Variants in GLIS3 observed in about 807,000 individuals in gnomAD.
GLIS3 encodes zinc finger protein GLIS3.
Under a neutral mutation model 78.6 loss-of-function variants are expected in GLIS3, and 53 were observed. That is an observed-to-expected ratio of 0.67 (90% CI 0.54 to 0.85). The LOEUF (loss-of-function observed/expected upper bound fraction) is 0.85. Ranked by LOEUF, GLIS3 falls within the 40% of genes least tolerant of loss-of-function variation. The pLI, the probability that GLIS3 is intolerant of heterozygous loss-of-function variation, is 0.00. For missense variants in GLIS3, 1,703 were observed against 1,231.1 expected (o/e 1.38, Z -5.74); for synonymous variants, 684 against 509.9 (o/e 1.34, Z -4.60).
chr9:4,008,208 G>T (rs1821715351), intron 4 of GLIS3, among the ~76,000 whole-genome samples: 1 of 152,130 alleles, frequency 6.6e-6, no homozygotes, highest in South Asian at 2.1e-4. Context: ...GATCCCTGAG[G>T]TTCATTTCCA....
intron 2 of GLIS3, among the ~76,000 whole-genome samples, chr9:4,335,846 CT>C (rs1817748057): frequency 6.6e-6 from 1 of 152,162 alleles, no homozygotes; most frequent in Admixed American, 6.5e-5. Flanking sequence ...TAAGGTGATT[CT>C]TCCCTCATTC....
At chr9:4,209,000 T>C (rs371792232) in intron 2 of GLIS3, among the ~76,000 whole-genome samples, 20 of 152,308 alleles carry the variant, frequency 1.3e-4, no homozygotes, top group African/African-American at 4.3e-4. Context: ...TTCCCATAAA[T>C]GTACATTTTC....
chr9:3,965,193 C>CTTTTTTTTTTT (rs34951383), intron 4 of GLIS3, among the ~76,000 whole-genome samples: 40 of 100,142 alleles, frequency 4.0e-4, no homozygotes, highest in Non-Finnish European at 5.4e-4. Context: ...CTTTTCTTTT[C>CTTTTTTTTTTT]TTTTTTTTTT....
intron 9 of GLIS3, among the ~76,000 whole-genome samples, chr9:3,838,305 A>G (rs1310974684): frequency 1.3e-5 from 2 of 152,080 alleles, no homozygotes; most frequent in Non-Finnish European, 2.9e-5. Context: ...TACTGAGGTG[A>G]TATCTTTCTT....
At chr9:4,088,334 C>G (rs1324976386) in intron 4 of GLIS3, among the ~76,000 whole-genome samples, 1 of 152,184 alleles carries the variant, frequency 6.6e-6, no homozygotes, top group African/African-American at 2.4e-5. Context: ...AAAACATATG[C>G]TTAGGCTAAT....
At chr9:4,440,484 G>A in the GLIS3 span, among the ~76,000 whole-genome samples, 254 of 152,250 alleles carry the variant, frequency 1.7e-3, no homozygotes, top group Admixed American at 3.7e-3. Flanking sequence ...AATATCATCA[G>A]TTGGCTGTAA....
chr9:3,917,672 C>G (rs1824611848), intron 6 of GLIS3, among the ~76,000 whole-genome samples: 1 of 151,320 alleles, frequency 6.6e-6, no homozygotes, highest in Non-Finnish European at 1.5e-5. Flanking sequence ...TCAAGTTATT[C>G]CTTTATTCCC....
intron 4 of GLIS3, among the ~76,000 whole-genome samples, chr9:4,006,325 A>AC (rs1821547811): frequency 6.6e-6 from 1 of 151,780 alleles, no homozygotes; most frequent in Non-Finnish European, 1.5e-5. Flanking sequence ...AAAAAAAAAA[A>AC]AAAACTAGAG....
chr9:4,245,471 G>A (rs986921507), intron 2 of GLIS3, among the ~76,000 whole-genome samples: 2 of 152,144 alleles, frequency 1.3e-5, no homozygotes, highest in African/African-American at 4.8e-5. Context: ...CTTACTTCAT[G>A]GTGTATGTAC....
chr9:4,462,412 T>C, the GLIS3 span, among the ~76,000 whole-genome samples: 2 of 152,148 alleles, frequency 1.3e-5, no homozygotes, highest in African/African-American at 4.8e-5. Flanking sequence ...CTGAGTCACA[T>C]GTGGCACAAA....
At chr9:4,446,676 ATTT>A in the GLIS3 span, among the ~76,000 whole-genome samples, 8 of 139,650 alleles carry the variant, frequency 5.7e-5, no homozygotes, top group Non-Finnish European at 7.7e-5. Flanking sequence ...TGCCCGGCTA[ATTT>A]TTTTTTTTTT....
chr9:3,992,497 G>C (rs508122), intron 4 of GLIS3, among the ~76,000 whole-genome samples: 152,260 of 152,334 alleles, frequency 1, 76,093 homozygotes, highest in Middle Eastern at 1. Flanking sequence ...AGGTACTAAA[G>C]CAAATCCTCA....
chr9:4,401,102 C>A, the GLIS3 span, among the ~76,000 whole-genome samples: 1 of 152,174 alleles, frequency 6.6e-6, no homozygotes, highest in Admixed American at 6.5e-5. Flanking sequence ...GAGCAACAAG[C>A]AGGCACTTGG....
chr9:4,166,242 T>C (rs546514165), intron 2 of GLIS3, among the ~76,000 whole-genome samples: 3 of 152,092 alleles, frequency 2.0e-5, no homozygotes, highest in Admixed American at 6.5e-5. Flanking sequence ...AAGAGGCAAA[T>C]AGGAATTGAA....
chr9:4,429,677 T>C, the GLIS3 span, among the ~76,000 whole-genome samples: 1 of 152,140 alleles, frequency 6.6e-6, no homozygotes, highest in Non-Finnish European at 1.5e-5. Context: ...TTCATGAGGA[T>C]AGAGACTGAG....
chr9:4,366,871 A>G, the GLIS3 span, among the ~76,000 whole-genome samples: 2 of 152,338 alleles, frequency 1.3e-5, no homozygotes, highest in African/African-American at 4.8e-5. Context: ...GTCAGGAGAC[A>G]ATGGGCCAGA....
At chr9:4,294,224 AT>A (rs1816277334) in intron 1 of GLIS3, among the ~76,000 whole-genome samples, 1 of 152,186 alleles carries the variant, frequency 6.6e-6, no homozygotes, top group Non-Finnish European at 1.5e-5. Flanking sequence ...TTACAGAATA[AT>A]GGGCCAGGTG....
intron 2 of GLIS3, among the ~76,000 whole-genome samples, chr9:4,199,635 T>C (rs1026967415): frequency 3.3e-5 from 5 of 151,562 alleles, no homozygotes; most frequent in African/African-American, 7.3e-5. Flanking sequence ...GCACCTAACA[T>C]TGGAGCACTC....
chr9:4,323,043 T>G (rs747660449), intron 2 of GLIS3, among the ~76,000 whole-genome samples: 4 of 152,238 alleles, frequency 2.6e-5, no homozygotes, highest in Non-Finnish European at 5.9e-5. Flanking sequence ...CTTTATGATT[T>G]TAGGTCTAAC....
Sources: allele counts gnomAD v4.1 joint callset (sites outside exome capture counted in the v4.1 genomes callset), GRCh38; gene constraint gnomAD v4.1.1; transcripts MANE v1.5; gene names NCBI Gene and HGNC (gene_info 2026-07-23, HGNC 2026-07-21).